Variants in FAR2 observed in about 807,000 individuals in gnomAD.
FAR2 encodes the protein fatty acyl-CoA reductase 2.
In FAR2, 19 loss-of-function variants were observed where a neutral mutation model predicts 56.0. That is an observed-to-expected ratio of 0.34 (90% CI 0.24 to 0.50). The LOEUF is 0.50. Ranked by LOEUF, FAR2 falls within the 20% of genes least tolerant of loss-of-function variation. The probability of loss-of-function intolerance (pLI) is 0.98; values close to 1 mark genes in which losing one functional copy is unlikely to be tolerated. For synonymous variants in FAR2, 219 were observed against 218.8 expected (o/e 1.00, Z -0.01); for missense variants, 508 against 642.2 (o/e 0.79, Z 2.26).
intron 4 of FAR2, among the ~76,000 whole-genome samples, chr12:29,298,657 T>C (rs1221469882): frequency 2.0e-5 from 3 of 152,178 alleles, no homozygotes; most frequent in Admixed American, 2.0e-4. Flanking sequence ...GCAGGTGTAT[T>C]CTGAGGCCCA....
At chr12:29,305,235 G>A (rs374493085) in intron 4 of FAR2, among the ~76,000 whole-genome samples, 1 of 152,226 alleles carries the variant, frequency 6.6e-6, no homozygotes, top group African/African-American at 2.4e-5. Context: ...CCAAGCTCAA[G>A]CAATCCTCCT....
At chr12:29,325,864 T>C (rs1949635210) in intron 10 of FAR2, among the ~76,000 whole-genome samples, 1 of 151,964 alleles carries the variant, frequency 6.6e-6, no homozygotes. Flanking sequence ...AGCAAACACA[T>C]TCAAAAGCTA....
intron 10 of FAR2, among the ~76,000 whole-genome samples, chr12:29,330,779 T>C (rs1245156110): frequency 6.6e-6 from 1 of 152,192 alleles, no homozygotes; most frequent in Admixed American, 6.5e-5. Flanking sequence ...TGACCTTTAG[T>C]GGTGATTGGC....
At chr12:29,150,286 C>T (rs893312061) in intron 1 of FAR2, among the ~76,000 whole-genome samples, 1 of 152,214 alleles carries the variant, frequency 6.6e-6, no homozygotes, top group Non-Finnish European at 1.5e-5. Context: ...ATTTCTTCCA[C>T]GGTTGAGTTA....
At chr12:29,199,961 C>G (rs747148695) in intron 1 of FAR2, among the ~76,000 whole-genome samples, 1 of 151,574 alleles carries the variant, frequency 6.6e-6, no homozygotes, top group Non-Finnish European at 1.5e-5. Flanking sequence ...AGTAGAAAAC[C>G]CAATTAGATG....
intron 9 of FAR2, among the ~76,000 whole-genome samples, chr12:29,320,800 T>C (rs953978443): frequency 2.6e-5 from 4 of 152,154 alleles, no homozygotes; most frequent in African/African-American, 9.7e-5. Flanking sequence ...TGTTATAAAG[T>C]TGGGAGGTGC....
At chr12:29,170,538 T>C (rs2076294923) in intron 1 of FAR2, among the ~76,000 whole-genome samples, 2 of 152,238 alleles carry the variant, frequency 1.3e-5, no homozygotes, top group South Asian at 4.1e-4. Flanking sequence ...GTGTTTTCTT[T>C]AGTATTTTCA....
intron 1 of FAR2, among the ~76,000 whole-genome samples, chr12:29,178,395 A>C (rs908417054): frequency 7.2e-5 from 11 of 152,152 alleles, no homozygotes; most frequent in Non-Finnish European, 1.5e-4. Flanking sequence ...GGAGTTGGAG[A>C]CTAGCCTGGG....
At chr12:29,247,853 C>G (rs142983063) in intron 1 of FAR2, among the ~76,000 whole-genome samples, 216 of 152,244 alleles carry the variant, frequency 1.4e-3, no homozygotes, top group Non-Finnish European at 1.9e-3. Context: ...GTTTATTAAT[C>G]GTTGGTATGC....
chr12:29,170,350 C>T (rs1003150149), intron 1 of FAR2, among the ~76,000 whole-genome samples: 4 of 152,144 alleles, frequency 2.6e-5, no homozygotes, highest in African/African-American at 9.7e-5. Flanking sequence ...GTTAGGAAAC[C>T]TGCTGGGTTA....
Position 29,174,984 on chromosome 12 carries a change from G to A in FAR2, c.-39+25577G>A, listed in dbSNP as rs369547727. On this transcript the variant is annotated intron_variant, in intron 1 of 11. Transcript: ENST00000536681. ...CAGGAGATGTGGAACCTGGTTCCAG[G>A]CAAACCAACGCTTCCAACTCCAAAG... 3.3e-4 allele frequency among the ~76,000 whole-genome samples: 50 copies of A among 152,292 alleles called. 1 individual carries two copies. In the South Asian group the frequency reaches 0.01, roughly 31 times the overall value.
At chr12:29,242,639 G>A (rs948024764) in intron 1 of FAR2, among the ~76,000 whole-genome samples, 2 of 152,218 alleles carry the variant, frequency 1.3e-5, no homozygotes, top group African/African-American at 4.8e-5. Context: ...TCTTACCAGT[G>A]TATCTGAATT....
At position 29,181,484 on chromosome 12, in the gene FAR2, G is replaced by A. The variant is rs541751401; in HGVS notation, c.-39+32077G>A. Among the ~76,000 whole-genome samples the A allele has an allele frequency of 8.3e-4, 126 of 152,292 alleles. 1 individual carries two copies. The highest frequency in any genetic ancestry group is 2.9e-3 in the African/African-American group (119 of 41,548). On this transcript the variant is annotated intron_variant, in intron 1 of 11. Transcript: ENST00000536681. ...CAACAATGGCTTCTCTGGTCAGCTTGTGTTTTCACTGCTTCCGGAAACTTT... is the reference window on the plus strand; with the variant it reads ...CAACAATGGCTTCTCTGGTCAGCTTATGTTTTCACTGCTTCCGGAAACTTT...
At chr12:29,241,518 C>G (rs1266482387) in intron 1 of FAR2, among the ~76,000 whole-genome samples, 1 of 152,172 alleles carries the variant, frequency 6.6e-6, no homozygotes, top group African/African-American at 2.4e-5. Flanking sequence ...TTCTCCCTCT[C>G]CTTCCTCTTA....
At chr12:29,294,864 G>A (rs1354736385) in intron 3 of FAR2, among the ~76,000 whole-genome samples, 1 of 151,906 alleles carries the variant, frequency 6.6e-6, no homozygotes, top group East Asian at 1.9e-4. Context: ...TGAAAGTAAA[G>A]CAGCTTTATT....
At chr12:29,161,854 T>C (rs1454128446) in intron 1 of FAR2, among the ~76,000 whole-genome samples, 3 of 152,218 alleles carry the variant, frequency 2.0e-5, no homozygotes. Context: ...ATGGTAGTTT[T>C]ATTTGTATTT....
At chr12:29,199,541 A>T (rs1214073554) in intron 1 of FAR2, among the ~76,000 whole-genome samples, 1 of 150,136 alleles carries the variant, frequency 6.7e-6, no homozygotes, top group Non-Finnish European at 1.5e-5. Flanking sequence ...CGGAGCTTGC[A>T]GTGAGCCGAG....
chr12:29,237,074 T>A (rs1242038372), intron 1 of FAR2, among the ~76,000 whole-genome samples: 2 of 152,130 alleles, frequency 1.3e-5, no homozygotes, highest in Non-Finnish European at 2.9e-5. Context: ...AGTATCAACT[T>A]GAAAATATTT....
chr12:29,317,630 A>G (rs1269297460), intron 9 of FAR2: 1 of 152,624 alleles, frequency 6.6e-6, no homozygotes, highest in Non-Finnish European at 1.5e-5. Flanking sequence ...AAAGAAAAGC[A>G]ATTGAGACTC....
Sources: allele counts gnomAD v4.1 joint callset (sites outside exome capture counted in the v4.1 genomes callset), GRCh38; gene constraint gnomAD v4.1.1; transcripts MANE v1.5; gene names NCBI Gene and HGNC (gene_info 2026-07-23, HGNC 2026-07-21).